NAALADL2: variants seen among roughly 807,000 people sequenced by gnomAD.
NAALADL2 encodes the protein inactive N-acetylated-alpha-linked acidic dipeptidase-like protein 2.
A neutral mutation model predicts 87.2 loss-of-function variants in NAALADL2; 76 were observed. The observed-to-expected ratio is 0.87, with a 90% CI of 0.72 to 1.05. NAALADL2 has a LOEUF of 1.05. NAALADL2 is among the 50% of genes least tolerant of loss of function. The probability of loss-of-function intolerance (pLI) is 0.00; values close to 1 mark genes in which losing one functional copy is unlikely to be tolerated. For synonymous variants in NAALADL2, 354 were observed against 331.0 expected (o/e 1.07, Z -0.75); for missense variants, 1,089 against 945.8 (o/e 1.15, Z -1.99).
intron 1 of NAALADL2, among the ~76,000 whole-genome samples, chr3:174,468,299 G>C (rs1242748560): frequency 1.3e-5 from 2 of 152,076 alleles, no homozygotes. Context: ...AGTGTGAAGA[G>C]AGTTCATGTT....
intron 2 of NAALADL2, among the ~76,000 whole-genome samples, chr3:175,114,029 T>G (rs1369099941): frequency 6.6e-6 from 1 of 151,652 alleles, no homozygotes; most frequent in African/African-American, 2.4e-5. Context: ...CTTAGTAATT[T>G]CCTTAAATGT....
chr3:175,507,307 C>G (rs1730481925), intron 9 of NAALADL2, among the ~76,000 whole-genome samples: 1 of 152,164 alleles, frequency 6.6e-6, no homozygotes, highest in Admixed American at 6.5e-5. Context: ...ATTTTTGCTC[C>G]TGCATTGGAA....
intron 1 of NAALADL2, among the ~76,000 whole-genome samples, chr3:174,524,598 G>A (rs1029553913): frequency 1.3e-5 from 2 of 151,952 alleles, no homozygotes; most frequent in Non-Finnish European, 2.9e-5. Flanking sequence ...AGGCTGGAGT[G>A]CAGTGGCATC....
chr3:175,557,629 C>T (rs1463453125), intron 9 of NAALADL2, among the ~76,000 whole-genome samples: 1 of 152,028 alleles, frequency 6.6e-6, no homozygotes, highest in Admixed American at 6.6e-5. Flanking sequence ...ATTTTTAGTT[C>T]CCACAAATAA....
chr3:175,219,724 T>G (rs1362886526), intron 2 of NAALADL2, among the ~76,000 whole-genome samples: 2 of 152,058 alleles, frequency 1.3e-5, no homozygotes, highest in African/African-American at 4.8e-5. Flanking sequence ...TCTACTTGTC[T>G]GTTTGGCATC....
intron 1 of NAALADL2, among the ~76,000 whole-genome samples, chr3:174,860,596 G>A (rs1427001349): frequency 6.6e-6 from 1 of 151,992 alleles, no homozygotes; most frequent in Non-Finnish European, 1.5e-5. Flanking sequence ...TTCCAATTGT[G>A]CATATGATAA....
rs114629890 is a variant in NAALADL2 at position 174,560,724 on chromosome 3, C to T, written c.-115+10087C>T. ...TTTATTTATTTCTCTGGAACTTTAC[C>T]GTGTGCCTTTTTTCTAGCAATTTAT... On this transcript the variant is annotated intron_variant, in intron 2 of 3. Coordinates refer to the NAALADL2 transcript ENST00000434257. Among the ~76,000 whole-genome samples the T allele has an allele frequency of 4.0e-3, 611 of 152,086 alleles. 2 individuals are homozygous for T. The highest frequency in any genetic ancestry group is 6.8e-3 in the Middle Eastern group (2 of 294).
At chr3:174,950,005 C>A (rs1269755984) in intron 1 of NAALADL2, among the ~76,000 whole-genome samples, 1 of 152,110 alleles carries the variant, frequency 6.6e-6, no homozygotes, top group Non-Finnish European at 1.5e-5. Flanking sequence ...CTACAGCCAG[C>A]AGATCAAATC....
chr3:175,036,567 T>C (rs1753433672), intron 1 of NAALADL2, among the ~76,000 whole-genome samples: 1 of 151,594 alleles, frequency 6.6e-6, no homozygotes, highest in African/African-American at 2.4e-5. Flanking sequence ...ACCCAGCTAA[T>C]TTTTTGTATT....
intron 4 of NAALADL2, among the ~76,000 whole-genome samples, chr3:175,287,708 C>T (rs1581263271): frequency 2.0e-5 from 3 of 152,122 alleles, no homozygotes; most frequent in Non-Finnish European, 1.5e-5. Context: ...TGCAAGTCTC[C>T]GTCTTGTGAG....
intron 2 of NAALADL2, among the ~76,000 whole-genome samples, chr3:174,650,787 A>C (rs1724280620): frequency 1.3e-5 from 2 of 152,172 alleles, no homozygotes; most frequent in South Asian, 4.1e-4. Context: ...AGGATGTAGA[A>C]TATGAAGAGA....
chr3:175,652,555 T>A (rs1305877578), intron 11 of NAALADL2, among the ~76,000 whole-genome samples: 6 of 149,364 alleles, frequency 4.0e-5, no homozygotes, highest in African/African-American at 1.5e-4. Context: ...CTCGGCTCAC[T>A]GCAAGCTCCG....
chr3:174,600,749 G>C (rs1172971205), intron 2 of NAALADL2, among the ~76,000 whole-genome samples: 2 of 152,078 alleles, frequency 1.3e-5, no homozygotes, highest in Non-Finnish European at 2.9e-5. Context: ...TACATGGCTG[G>C]AGCAGGAGGA....
chr3:174,732,385 A>T (rs557782969), intron 2 of NAALADL2, among the ~76,000 whole-genome samples: 4 of 152,152 alleles, frequency 2.6e-5, no homozygotes, highest in Non-Finnish European at 5.9e-5. Context: ...GGGAAAAGAC[A>T]TGAAGAGAGT....
intron 3 of NAALADL2, among the ~76,000 whole-genome samples, chr3:174,759,908 C>T (rs942039060): frequency 2.6e-5 from 4 of 152,116 alleles, no homozygotes; most frequent in African/African-American, 9.7e-5. Flanking sequence ...GCCATGTTGG[C>T]CAGGCTGGTC....
At chr3:175,217,449 A>G (rs1463345826) in intron 2 of NAALADL2, among the ~76,000 whole-genome samples, 1 of 152,212 alleles carries the variant, frequency 6.6e-6, no homozygotes, top group Non-Finnish European at 1.5e-5. Context: ...TGTACCAAAA[A>G]TTAGTTCCAG....
intron 2 of NAALADL2, among the ~76,000 whole-genome samples, chr3:174,693,286 C>G (rs1211164241): frequency 6.6e-6 from 1 of 152,098 alleles, no homozygotes; most frequent in African/African-American, 2.4e-5. Context: ...ATTCACTTTT[C>G]TTAATTCATG....
At chr3:175,455,847 A>T (rs1722244236) in intron 6 of NAALADL2, among the ~76,000 whole-genome samples, 1 of 152,054 alleles carries the variant, frequency 6.6e-6, no homozygotes, top group Admixed American at 6.6e-5. Context: ...AAATTAAGAA[A>T]ATGAAAGAAC....
chr3:174,863,110 G>T (rs1050379306), intron 1 of NAALADL2, among the ~76,000 whole-genome samples: 1 of 152,102 alleles, frequency 6.6e-6, no homozygotes, highest in Non-Finnish European at 1.5e-5. Flanking sequence ...CAAGTCCAAT[G>T]TTTTTACTTT....
Sources: allele counts gnomAD v4.1 joint callset (sites outside exome capture counted in the v4.1 genomes callset), GRCh38; gene constraint gnomAD v4.1.1; transcripts MANE v1.5; gene names NCBI Gene and HGNC (gene_info 2026-07-23, HGNC 2026-07-21).